Variants in PCDHA9 observed in about 807,000 individuals in gnomAD.
PCDHA9 encodes the protein protocadherin alpha-9.
A neutral mutation model predicts 62.0 loss-of-function variants in PCDHA9; 62 were observed. The observed-to-expected ratio is 1.00, with a 90% CI of 0.81 to 1.23. PCDHA9 has a LOEUF of 1.23. PCDHA9 is among the 50% of genes most tolerant of loss of function. The probability of loss-of-function intolerance (pLI) is 0.00; values close to 1 mark genes in which losing one functional copy is unlikely to be tolerated. For synonymous variants in PCDHA9, 557 were observed against 567.6 expected (o/e 0.98, Z 0.27); for missense variants, 1,205 against 1,249.8 (o/e 0.96, Z 0.54).
chr5:140,874,321 T>C (rs1476462736), intron 1 of PCDHA9, among the ~76,000 whole-genome samples: 2 of 151,726 alleles, frequency 1.3e-5, no homozygotes, highest in Non-Finnish European at 2.9e-5. Flanking sequence ...TGTAGGATCT[T>C]ATCTGTTTTT....
At chr5:140,982,348 T>A (rs1253085859) in intron 2 of PCDHA9, 127 bp from the exon 3 acceptor site, 1 of 1,496,080 alleles carries the variant, frequency 6.7e-7, no homozygotes, top group East Asian at 2.4e-5. Flanking sequence ...TTGCTTCAGT[T>A]CAAGCATGAG....
chr5:140,861,496 T>C (rs2153222110), intron 1 of PCDHA9: 1 of 486,240 alleles, frequency 2.1e-6, no homozygotes, highest in Non-Finnish European at 4.2e-6. Context: ...AGTTCTCTGA[T>C]AGACCTCGAG....
intron 1 of PCDHA9, among the ~76,000 whole-genome samples, chr5:140,879,635 G>A (rs190054745): frequency 3.8e-4 from 58 of 152,286 alleles, no homozygotes; most frequent in African/African-American, 1.2e-3. Context: ...TAAGTGTGTC[G>A]CTTCCTGTGG....
In PCDHA9 at chr5:140,900,301, C is replaced by CAG. The variant is rs1168626144; in HGVS notation, c.2394+49413_2394+49414dup. Among the ~76,000 whole-genome samples the CAG allele has an allele frequency of 1.4e-4, 22 of 152,156 alleles. No homozygotes were observed. The East Asian group carries it at 4.1e-3, about 28-fold the overall frequency. On this transcript the variant is annotated intron_variant, in intron 1 of 3. Coordinates refer to ENST00000532602, the MANE Select transcript of PCDHA9 (RefSeq NM_031857.2). ...ACACTTTCTTTTCTGTTTTTTTAGACAGTCTCACTTTTGTCGCCCAGGCTG... is the reference window on the plus strand; with the variant it reads ...ACACTTTCTTTTCTGTTTTTTTAGACAGAGTCTCACTTTTGTCGCCCAGGCTG...
At chr5:140,964,509 C>T (rs552530683) in intron 1 of PCDHA9, among the ~76,000 whole-genome samples, 1 of 152,258 alleles carries the variant, frequency 6.6e-6, no homozygotes, top group Non-Finnish European at 1.5e-5. Flanking sequence ...GGTCAATACC[C>T]AGTGGCCAGG....
At chr5:140,927,015 G>C in intron 1 of PCDHA9, 1 of 1,612,466 alleles carries the variant, frequency 6.2e-7, no homozygotes, top group Non-Finnish European at 8.5e-7. Context: ...ATCTCTCCGC[G>C]GACTTGAGGC....
intron 1 of PCDHA9, chr5:140,876,415 G>A (rs782679956): frequency 6.2e-7 from 1 of 1,613,960 alleles, no homozygotes. Flanking sequence ...AGAGAATAAT[G>A]CCTATGAAAT....
chr5:140,907,114 G>A (rs1422379312), intron 1 of PCDHA9, among the ~76,000 whole-genome samples: 1 of 152,164 alleles, frequency 6.6e-6, no homozygotes, highest in Non-Finnish European at 1.5e-5. Context: ...TCCACCCCTT[G>A]ATTCCTGGAC....
intron 1 of PCDHA9, among the ~76,000 whole-genome samples, chr5:140,917,740 C>T (rs1257665291): frequency 6.6e-6 from 1 of 152,090 alleles, no homozygotes; most frequent in Non-Finnish European, 1.5e-5. Context: ...TCTAACCTGT[C>T]CCATTGGTCT....
intron 1 of PCDHA9, among the ~76,000 whole-genome samples, chr5:140,904,190 C>T (rs1292555686): frequency 6.6e-6 from 1 of 151,916 alleles, no homozygotes; most frequent in Non-Finnish European, 1.5e-5. Flanking sequence ...CCCTTCCCAC[C>T]CTTTCCCCCT....
chr5:140,972,660 ATTTTTTTTT>A (rs11350929), intron 1 of PCDHA9, among the ~76,000 whole-genome samples: 1 of 117,268 alleles, frequency 8.5e-6, no homozygotes, highest in Non-Finnish European at 1.7e-5. Flanking sequence ...AAGAAACCAA[ATTTTTTTTT>A]TTTTTTTTTT....
At chr5:141,001,143 G>T (rs1310182286) in intron 3 of PCDHA9, among the ~76,000 whole-genome samples, 1 of 151,914 alleles carries the variant, frequency 6.6e-6, no homozygotes, top group Admixed American at 6.5e-5. Context: ...ATCTTCTGTT[G>T]CTCTGATCTT....
chr5:140,963,770 C>T (rs1296794666), intron 1 of PCDHA9, among the ~76,000 whole-genome samples: 2 of 152,176 alleles, frequency 1.3e-5, no homozygotes, highest in Non-Finnish European at 2.9e-5. Context: ...TATTTCATGA[C>T]GACAGCAACA....
In PCDHA9 at chr5:140,851,814, C is replaced by G. The variant is rs1363595383; in HGVS notation, c.2394+925C>G. On this transcript the variant is annotated intron_variant, in intron 1 of 3. Coordinates refer to ENST00000532602, the MANE Select transcript of PCDHA9 (RefSeq NM_031857.2). The stretch of plus-strand genomic sequence containing the variant: ...CTTGTTCTGTCAGTAATCCATAAGA[C>G]AGAAATCTGTTTTTTTAAAAATATC... 6 of 954,454 alleles carry G rather than the reference C, an allele frequency of 6.3e-6. 1 individual carries two copies. In the African/African-American group the frequency reaches 1.1e-4, roughly 17 times the overall value. 59.1% of individuals were successfully genotyped at this position (954,454 alleles called of 1,614,324 possible). A position where few individuals can be genotyped will look rare whatever the true frequency, so the allele number is the denominator to read the frequency against.
At chr5:140,901,433 A>G (rs1472475784) in intron 1 of PCDHA9, among the ~76,000 whole-genome samples, 2 of 152,104 alleles carry the variant, frequency 1.3e-5, no homozygotes, top group Non-Finnish European at 2.9e-5. Flanking sequence ...CTGCATATGG[A>G]TATCTAGTTT....
chr5:140,942,713 T>C (rs2093359728), intron 1 of PCDHA9, among the ~76,000 whole-genome samples: 2 of 152,208 alleles, frequency 1.3e-5, no homozygotes, highest in Non-Finnish European at 1.5e-5. Flanking sequence ...AGTAAAAGTA[T>C]GAAATTTTGT....
At chr5:140,870,252 GGTGACCT>G in intron 1 of PCDHA9, 5 of 1,614,198 alleles carry the variant, frequency 3.1e-6, no homozygotes, top group Non-Finnish European at 4.2e-6. Context: ...TCAACGGACA[GGTGACCT>G]GCTCGCTGAC....
At chr5:140,937,316 C>T (rs1355509287) in intron 1 of PCDHA9, among the ~76,000 whole-genome samples, 7 of 152,044 alleles carry the variant, frequency 4.6e-5, no homozygotes, top group Admixed American at 3.9e-4. Context: ...GGATTACAGG[C>T]GTGAGCCACC....
chr5:140,976,776 C>T (rs1554237952), intron 1 of PCDHA9, among the ~76,000 whole-genome samples: 1 of 152,184 alleles, frequency 6.6e-6, no homozygotes. Context: ...TAGACTCTGA[C>T]TATATAGCTA....
Sources: allele counts gnomAD v4.1 joint callset (sites outside exome capture counted in the v4.1 genomes callset), GRCh38; gene constraint gnomAD v4.1.1; transcripts MANE v1.5; gene names NCBI Gene and HGNC (gene_info 2026-07-23, HGNC 2026-07-21).